The following PARM1 variants were observed in gnomAD, a reference collection of about 807,000 sequenced individuals.
The protein encoded by PARM1 is WSC4, cell wall integrity and stress response component 4 homolog.
Under a neutral mutation model 24.6 loss-of-function variants are expected in PARM1, and 14 were observed. That is an observed-to-expected ratio of 0.57 (90% CI 0.38 to 0.89). PARM1 has a LOEUF of 0.89. Ranked by LOEUF, PARM1 falls within the 40% of genes least tolerant of loss-of-function variation. The pLI is 0.00. For synonymous variants in PARM1, 179 were observed against 156.6 expected, an observed-to-expected ratio of 1.14 and a Z score of -1.07; for missense variants, 362 against 380.4, an observed-to-expected ratio of 0.95 and a Z score of 0.40.
At chr4:74,938,849 A>G (rs181969967) in intron 1 of PARM1, among the ~76,000 whole-genome samples, 2 of 152,310 alleles carry the variant, frequency 1.3e-5, no homozygotes, top group East Asian at 3.9e-4. Context: ...AGAAGTCTTT[A>G]AAATGAAATA....
At chr4:74,936,382 G>T (rs1455451064) in intron 1 of PARM1, among the ~76,000 whole-genome samples, 1 of 151,744 alleles carries the variant, frequency 6.6e-6, no homozygotes, top group Non-Finnish European at 1.5e-5. Flanking sequence ...TCCCTCTCCT[G>T]CTCCCCTCGG....
intron 1 of PARM1, among the ~76,000 whole-genome samples, chr4:74,944,650 C>T (rs947662722): frequency 6.6e-6 from 1 of 152,180 alleles, no homozygotes; most frequent in East Asian, 1.9e-4. Context: ...AGTAGGCAGG[C>T]TTTCAATGCC....
intron 1 of PARM1, among the ~76,000 whole-genome samples, chr4:75,009,235 T>C (rs1722826095): frequency 6.6e-6 from 1 of 152,188 alleles, no homozygotes; most frequent in Admixed American, 6.5e-5. Context: ...TTAAATAAAA[T>C]AAAGCCAATT....
chr4:74,995,876 A>G (rs1052619476), intron 1 of PARM1, among the ~76,000 whole-genome samples: 1 of 152,102 alleles, frequency 6.6e-6, no homozygotes, highest in Non-Finnish European at 1.5e-5. Flanking sequence ...AATCACTGGG[A>G]TAAAGTTCAG....
intron 2 of PARM1, among the ~76,000 whole-genome samples, chr4:75,029,846 G>A (rs1432578677): frequency 6.6e-6 from 1 of 151,444 alleles, no homozygotes; most frequent in African/African-American, 2.4e-5. Flanking sequence ...AGTCAGCTGT[G>A]TGGAAACTTT....
At chr4:74,980,275 G>T (rs1578037675) in intron 1 of PARM1, among the ~76,000 whole-genome samples, 1 of 152,012 alleles carries the variant, frequency 6.6e-6, no homozygotes, top group African/African-American at 2.4e-5. Flanking sequence ...AAGTCTCAGG[G>T]TACAAAATCA....
chr4:74,933,350 C>A lies in PARM1; in HGVS notation c.23C>A (p.Ala8Asp). MVYKTLFALCILTAGWRV... is the reference protein window; with the variant it reads MVYKTLFDLCILTAGWRV... Reference sequence around the variant, plus strand: ...ACCATGGTCTACAAGACTCTCTTCGCTCTTTGCATCTTAACTGCAGGTAAT... The same window carrying A: ...ACCATGGTCTACAAGACTCTCTTCGATCTTTGCATCTTAACTGCAGGTAAT... Residue 8 changes from alanine to aspartate, a missense_variant, in exon 1 of 4, where the codon GCT becomes GAT. Physicochemically the swap from Ala to Asp is moderately radical, Grantham distance 126. Transcript: ENST00000307428. 6.2e-7 allele frequency: 1 copy of A among 1,612,860 alleles called. No homozygotes were observed. Among genetic ancestry groups the A allele is most frequent in the Non-Finnish European group, 8.5e-7 (1 of 1,179,540 alleles).
rs542669489 is a variant in PARM1, at chr4:75,018,779, T to A, written c.769+5629T>A. Among the ~76,000 whole-genome samples the A allele has an allele frequency of 3.9e-5, 6 of 152,192 alleles. No individual in the cohort carries two copies. In the South Asian group the frequency reaches 8.3e-4, roughly 21 times the overall value. On this transcript the variant is annotated intron_variant, in intron 2 of 3. Transcript: ENST00000307428. Reference sequence around the variant, plus strand: ...AGCTCAGCAGTATCTGTTTTACAGGTGACAAAACAAGTCCAGAGAGACTAA... The same window carrying A: ...AGCTCAGCAGTATCTGTTTTACAGGAGACAAAACAAGTCCAGAGAGACTAA...
At chr4:74,979,414 G>A (rs990027862) in intron 1 of PARM1, among the ~76,000 whole-genome samples, 1 of 152,140 alleles carries the variant, frequency 6.6e-6, no homozygotes, top group Non-Finnish European at 1.5e-5. Flanking sequence ...GAGCCAGAAA[G>A]AAGTTGAATC....
intron 3 of PARM1, among the ~76,000 whole-genome samples, chr4:75,043,566 G>A (rs1198769748): frequency 6.6e-6 from 1 of 152,132 alleles, no homozygotes; most frequent in East Asian, 1.9e-4. Context: ...ACCATACAAG[G>A]TGAAGCAGGA....
chr4:74,939,526 A>T (rs1721260013), intron 1 of PARM1, among the ~76,000 whole-genome samples: 1 of 152,016 alleles, frequency 6.6e-6, no homozygotes, highest in South Asian at 2.1e-4. Flanking sequence ...TTTTTTTTTA[A>T]AAGAAAGTTA....
In PARM1 at chr4:75,000,846, G is replaced by A. The variant is rs140925571; in HGVS notation, c.44-11579G>A. Among the ~76,000 whole-genome samples the A allele has an allele frequency of 8.3e-4, 126 of 152,332 alleles. 1 individual carries two copies. The East Asian group carries it at 0.021, about 26-fold the overall frequency. On this transcript the variant is annotated intron_variant, in intron 1 of 3. Transcript: ENST00000307428. The stretch of plus-strand genomic sequence containing the variant: ...TTGCTGTTATTTCATGTTAGTAGAT[G>A]AGGAAGCAGAATGATTAATGAACTT...
chr4:75,019,238 A>G (rs1723043242), intron 2 of PARM1, among the ~76,000 whole-genome samples: 1 of 152,262 alleles, frequency 6.6e-6, no homozygotes, highest in African/African-American at 2.4e-5. Flanking sequence ...CTCCCTGAAC[A>G]ACATTGAATG....
At chr4:74,950,356 C>G (rs544422115) in intron 1 of PARM1, among the ~76,000 whole-genome samples, 2 of 152,252 alleles carry the variant, frequency 1.3e-5, no homozygotes, top group East Asian at 3.9e-4. Flanking sequence ...TTCCAGTGGC[C>G]CCAGGCATTC....
At chr4:74,993,211 T>TA (rs1722513059) in intron 1 of PARM1, among the ~76,000 whole-genome samples, 1 of 152,178 alleles carries the variant, frequency 6.6e-6, no homozygotes, top group South Asian at 2.1e-4. Context: ...CCATTTTGTG[T>TA]ACTGCCCTGT....
chr4:74,997,145 G>A (rs1578044096), intron 1 of PARM1, among the ~76,000 whole-genome samples: 1 of 152,296 alleles, frequency 6.6e-6, no homozygotes, highest in East Asian at 1.9e-4. Flanking sequence ...CCTTTAGGGT[G>A]AGATGGGAAC....
chr4:74,968,988 G>A (rs558467838), intron 1 of PARM1, among the ~76,000 whole-genome samples: 1 of 152,250 alleles, frequency 6.6e-6, no homozygotes, highest in African/African-American at 2.4e-5. Context: ...TTGCCAGGGT[G>A]GTTTATGTTC....
At chr4:75,020,498 C>T (rs533056507) in intron 2 of PARM1, among the ~76,000 whole-genome samples, 6 of 152,072 alleles carry the variant, frequency 3.9e-5, no homozygotes, top group Admixed American at 6.5e-5. Context: ...CATTTCCCCC[C>T]CCCCGCACCC....
Position 75,047,527 on chromosome 4 carries a change from C to T in PARM1, c.*1280C>T, listed in dbSNP as rs1723630989. 1 of 152,174 alleles carries T rather than the reference C, an allele frequency of 6.6e-6. No individual in the cohort carries two copies. Among genetic ancestry groups the T allele is most frequent in the Non-Finnish European group, 1.5e-5 (1 of 68,030 alleles). The allele number at this position is 152,174 out of a possible 1,614,324, so 9.4% of individuals were successfully genotyped here. ...TCTCAACCAGGAGGTGATTTTGCCC[C>T]CTGACTCCACCCCAGGGACATTCAA... On this transcript the variant is annotated 3_prime_UTR_variant, in exon 4 of 4. Coordinates refer to ENST00000307428, the MANE Select transcript of PARM1 (RefSeq NM_015393.4).
Sources: allele counts gnomAD v4.1 joint callset (sites outside exome capture counted in the v4.1 genomes callset), GRCh38; gene constraint gnomAD v4.1.1; transcripts MANE v1.5; gene names NCBI Gene and HGNC (gene_info 2026-07-23, HGNC 2026-07-21).